Variants in NIPAL3 observed in about 807,000 individuals in gnomAD.
The protein encoded by NIPAL3 is NIPA-like protein 3.
Under a neutral mutation model 47.2 loss-of-function variants are expected in NIPAL3, and 41 were observed. That is an observed-to-expected ratio of 0.87 (90% CI 0.68 to 1.13). The LOEUF (loss-of-function observed/expected upper bound fraction) is 1.13. NIPAL3 is among the 50% of genes most tolerant of loss of function. The pLI is 0.00. For synonymous variants in NIPAL3, 194 were observed against 209.6 expected (o/e 0.93, Z 0.64); for missense variants, 449 against 530.1 (o/e 0.85, Z 1.50).
rs565858951 is a variant in NIPAL3 at position 24,469,653 on chromosome 1, G to A, written c.*468G>A. The A allele has an allele frequency of 7.9e-4, 124 of 157,834 alleles. 3 individuals are homozygous for A. In the South Asian group the frequency reaches 0.022, roughly 28 times the overall value. 9.8% of individuals were successfully genotyped at this position (157,834 alleles called of 1,614,324 possible). The stretch of plus-strand genomic sequence containing the variant: ...CCCTGACACTCCTGATGCCGCATCT[G>A]TGATAGCACTCGTGTTGCCTTCACA... On this transcript the variant is annotated 3_prime_UTR_variant, in exon 12 of 12. Transcript: ENST00000374399.
At chr1:24,428,859 C>T (rs1363978922) in intron 2 of NIPAL3, among the ~76,000 whole-genome samples, 1 of 152,026 alleles carries the variant, frequency 6.6e-6, no homozygotes, top group East Asian at 1.9e-4. Context: ...CTTCTGGGTC[C>T]CACCCTTCCC....
chr1:24,464,666 G>C (rs902939853), intron 11 of NIPAL3: 1 of 152,148 alleles, frequency 6.6e-6, no homozygotes, highest in South Asian at 2.1e-4. Flanking sequence ...TGGGACCTGC[G>C]GAGGACTGGA....
chr1:24,417,284 A>T (rs1263025729), intron 1 of NIPAL3, among the ~76,000 whole-genome samples: 1 of 152,204 alleles, frequency 6.6e-6, no homozygotes, highest in Admixed American at 6.5e-5. Flanking sequence ...GCAACTGAAC[A>T]GGGTATTCCG....
intron 3 of NIPAL3, among the ~76,000 whole-genome samples, chr1:24,441,579 G>A (rs1645385869): frequency 6.6e-6 from 1 of 152,230 alleles, no homozygotes; most frequent in Non-Finnish European, 1.5e-5. Context: ...CCCAGCGAGA[G>A]CTGCTGGCAT....
Position 24,470,202 on chromosome 1 carries a change from G to A in NIPAL3, c.*1017G>A, listed in dbSNP as rs901055073. 2.6e-5 allele frequency: 4 copies of A among 152,300 alleles called. No homozygotes were observed. The highest frequency in any genetic ancestry group is 7.2e-5 in the African/African-American group (3 of 41,544). The allele number at this position is 152,300 out of a possible 1,614,324, so 9.4% of individuals were successfully genotyped here. ...TCCTCATCCCCATGCATATATGTCTGGGAGAAGCAAGCATTCTCCAAAACA... is the reference window on the plus strand; with the variant it reads ...TCCTCATCCCCATGCATATATGTCTAGGAGAAGCAAGCATTCTCCAAAACA... On this transcript the variant is annotated 3_prime_UTR_variant, in exon 12 of 12. Transcript: ENST00000374399.
Position 24,442,117 on chromosome 1 carries a change from A to G in NIPAL3, c.225A>G (p.Thr75=), listed in dbSNP as rs1645419611. The G allele has an allele frequency of 2.5e-6, 4 of 1,614,200 alleles. No individual in the cohort carries two copies. The highest frequency in any genetic ancestry group is 3.4e-6 in the Non-Finnish European group (4 of 1,180,016). Residue 75 remains threonine (T), a synonymous_variant, in exon 4 of 12, where the codon ACA becomes ACG. Transcript: ENST00000374399. ...KDPRAYFKTK[T]WWLGLFLMLL... ...CCCGGGCCTATTTCAAGACCAAGACATGGTGGCTGGGCCTGTTCCTGATGC... is the reference window on the plus strand; with the variant it reads ...CCCGGGCCTATTTCAAGACCAAGACGTGGTGGCTGGGCCTGTTCCTGATGC...
rs1488771866 is a variant in NIPAL3, at chr1:24,456,328, TGGG to T, written c.773+58_773+60del. On this transcript the variant is annotated intron_variant, in intron 8 of 11. Transcript: ENST00000374399. ...CCTGCCATTCGGGCTGCTTCTCTTT[TGGG>T]GGCCTGATGACGTATGCTGTGAAGC... 1.9e-6 allele frequency: 3 copies of T among 1,611,180 alleles called. No individual in the cohort carries two copies. In the African/African-American group the frequency reaches 4.0e-5, roughly 22 times the overall value.
At chr1:24,468,323 A>G (rs560791751) in intron 11 of NIPAL3, among the ~76,000 whole-genome samples, 2 of 152,186 alleles carry the variant, frequency 1.3e-5, no homozygotes, top group South Asian at 4.1e-4. Flanking sequence ...TCAATAAATA[A>G]ATAAATAAAT....
intron 2 of NIPAL3, among the ~76,000 whole-genome samples, chr1:24,424,898 G>T (rs1300266055): frequency 6.6e-6 from 1 of 152,152 alleles, no homozygotes; most frequent in Non-Finnish European, 1.5e-5. Context: ...TCTTACCTTT[G>T]GGAGGAGGAA....
Position 24,456,527 on chromosome 1 carries a change from G to A in NIPAL3, c.773+254G>A, listed in dbSNP as rs555494559. The stretch of plus-strand genomic sequence containing the variant: ...GCTCTTTGGGAGGCTGAGGTGGGTG[G>A]GTCACTTGAGGCCAGGGGTTTGAGA... On this transcript the variant is annotated intron_variant, in intron 8 of 11. Transcript: ENST00000374399. Among the ~76,000 whole-genome samples, 55 of 152,224 alleles carry A rather than the reference G, an allele frequency of 3.6e-4. 1 individual carries two copies. Among genetic ancestry groups the A allele is most frequent in the African/African-American group, 1.1e-3 (47 of 41,546 alleles).
chr1:24,457,550 G>A (rs1017322980), intron 8 of NIPAL3, among the ~76,000 whole-genome samples: 3 of 152,204 alleles, frequency 2.0e-5, no homozygotes, highest in Non-Finnish European at 4.4e-5. Flanking sequence ...AGTGCTTTAT[G>A]GAACCAGCTC....
At chr1:24,450,784 T>C (rs1202121623) in intron 6 of NIPAL3, among the ~76,000 whole-genome samples, 1 of 152,234 alleles carries the variant, frequency 6.6e-6, no homozygotes, top group Non-Finnish European at 1.5e-5. Flanking sequence ...AGGTGTTCAC[T>C]GTTTTCCTCT....
In NIPAL3 at chr1:24,470,955, T is replaced by C. The variant is rs915102139; in HGVS notation, c.*1770T>C. On this transcript the variant is annotated 3_prime_UTR_variant, in exon 12 of 12. Coordinates refer to ENST00000374399, the MANE Select transcript of NIPAL3 (RefSeq NM_020448.5). ...AAGACCCAGGCTACAAAATAAGACA[T>C]AGTTCCTGCCCTCCAGGCCAGCAGA... 6.6e-6 allele frequency: 1 copy of C among 151,778 alleles called. No individual in the cohort carries two copies. The highest frequency in any genetic ancestry group is 2.4e-5 in the African/African-American group (1 of 41,020). 9.4% of individuals were successfully genotyped at this position (151,778 alleles called of 1,614,324 possible). A position where few individuals can be genotyped will look rare whatever the true frequency, so the allele number is the denominator to read the frequency against.
In NIPAL3 at chr1:24,449,496, C is replaced by T; in HGVS notation, c.410C>T (p.Ser137Phe). ...TTCCCCGCAGGGCGCTACGTCTTGTCCTTTGTTGGCTGCGGTTTGGCTGTC... is the reference window on the plus strand; with the variant it reads ...TTCCCCGCAGGGCGCTACGTCTTGTTCTTTGTTGGCTGCGGTTTGGCTGTC... ...PKDFLRRYVL[S>F]FVGCGLAVVG... The change falls in exon 6 of 12, where the codon TCC becomes TTC. Residue 137 changes from serine to phenylalanine, a missense_variant. Transcript: ENST00000374399. The surrounding 1 kb of genome is among the most constrained non-coding windows in gnomAD (Gnocchi z 4.5). The T allele has an allele frequency of 6.2e-7, 1 of 1,613,732 alleles. No individual in the cohort carries two copies. Among genetic ancestry groups the T allele is most frequent in the Non-Finnish European group, 8.5e-7 (1 of 1,180,030 alleles).
chr1:24,428,501 A>G (rs1043103451), intron 2 of NIPAL3, among the ~76,000 whole-genome samples: 9 of 152,186 alleles, frequency 5.9e-5, no homozygotes, highest in African/African-American at 1.9e-4. Flanking sequence ...AAGAATCTCA[A>G]CAGACAGACC....
At chr1:24,428,594 G>T (rs768431616) in intron 2 of NIPAL3, among the ~76,000 whole-genome samples, 7 of 152,176 alleles carry the variant, frequency 4.6e-5, no homozygotes, top group Non-Finnish European at 1.0e-4. Context: ...TCCATACTTT[G>T]TTGAACCTAA....
rs1361885103 is a variant in NIPAL3, at chr1:24,472,046, T to C, written c.*2861T>C. ...TTTTTTGGTATGGGCCTTTTAGGCTTGGGCCAGCCAGCTTTCTTGAGATGA... is the reference window on the plus strand; with the variant it reads ...TTTTTTGGTATGGGCCTTTTAGGCTCGGGCCAGCCAGCTTTCTTGAGATGA... On this transcript the variant is annotated 3_prime_UTR_variant, in exon 12 of 12. Transcript: ENST00000374399. The C allele has an allele frequency of 1.3e-5, 2 of 148,744 alleles. No homozygotes were observed. The highest frequency in any genetic ancestry group is 4.0e-4 in the East Asian group (2 of 5,054). The allele number at this position is 148,744 out of a possible 1,614,324, so 9.2% of individuals were successfully genotyped here. A position where few individuals can be genotyped will look rare whatever the true frequency, so the allele number is the denominator to read the frequency against.
At chr1:24,444,510 G>A (rs1645561690) in intron 4 of NIPAL3, among the ~76,000 whole-genome samples, 1 of 152,112 alleles carries the variant, frequency 6.6e-6, no homozygotes, top group Admixed American at 6.5e-5. Flanking sequence ...AACATTCTAT[G>A]AGCTGGTGCC....
At chr1:24,428,276 G>GAGAGAGAGAT (rs1011061794) in intron 2 of NIPAL3, among the ~76,000 whole-genome samples, 1 of 150,700 alleles carries the variant, frequency 6.6e-6, no homozygotes, top group Non-Finnish European at 1.5e-5. Flanking sequence ...GAGAGAGAGA[G>GAGAGAGAGAT]AGAGAGAGAG....
Sources: allele counts gnomAD v4.1 joint callset (sites outside exome capture counted in the v4.1 genomes callset), GRCh38; gene constraint gnomAD v4.1.1; non-coding constraint Gnocchi (gnomAD v3.1); transcripts MANE v1.5; gene names NCBI Gene and HGNC (gene_info 2026-07-23, HGNC 2026-07-21).